The following NOS1AP variants were observed in gnomAD, a reference collection of about 807,000 sequenced individuals.
The protein encoded by NOS1AP is carboxyl-terminal PDZ ligand of neuronal nitric oxide synthase protein.
In NOS1AP, 21 loss-of-function variants were observed where a neutral mutation model predicts 56.2. That is an observed-to-expected ratio of 0.37 (90% CI 0.26 to 0.54). The LOEUF (loss-of-function observed/expected upper bound fraction) is 0.54. Among genes scored for constraint, NOS1AP ranks in the 20% least tolerant of loss-of-function variants. The pLI, the probability that NOS1AP is intolerant of heterozygous loss-of-function variation, is 0.84. For synonymous variants in NOS1AP, 270 were observed against 274.6 expected (o/e 0.98, Z 0.17); for missense variants, 522 against 657.8 (o/e 0.79, Z 2.26).
chr1:162,195,210 A>G (rs1235671430), intron 2 of NOS1AP, among the ~76,000 whole-genome samples: 1 of 152,186 alleles, frequency 6.6e-6, no homozygotes, highest in Admixed American at 6.5e-5. Flanking sequence ...CAATAAATGG[A>G]AGCTGTCATC....
At chr1:162,125,734 A>T (rs1648462420) in intron 1 of NOS1AP, among the ~76,000 whole-genome samples, 2 of 152,116 alleles carry the variant, frequency 1.3e-5, no homozygotes, top group South Asian at 4.1e-4. Flanking sequence ...CTTTTTGCTT[A>T]GGATTGCTTT....
At chr1:162,328,833 G>A (rs1656676325) in intron 4 of NOS1AP, among the ~76,000 whole-genome samples, 1 of 152,240 alleles carries the variant, frequency 6.6e-6, no homozygotes, top group Admixed American at 6.5e-5. Context: ...GTTAGAGAGT[G>A]AATTGCCTAT....
At chr1:162,090,335 A>G (rs921901243) in intron 1 of NOS1AP, among the ~76,000 whole-genome samples, 7 of 150,834 alleles carry the variant, frequency 4.6e-5, no homozygotes, top group African/African-American at 1.7e-4. Context: ...ATTTGTATAC[A>G]GTTAAAATTA....
chr1:162,285,990 G>T (rs775597854), intron 2 of NOS1AP, among the ~76,000 whole-genome samples: 5 of 152,174 alleles, frequency 3.3e-5, no homozygotes, highest in Non-Finnish European at 7.3e-5. Flanking sequence ...AATGTTTCTT[G>T]TGGAAACAGA....
At chr1:162,365,032 T>G in intron 8 of NOS1AP, 5 of 1,105,616 alleles carry the variant, frequency 4.5e-6, no homozygotes, top group East Asian at 6.3e-5. Flanking sequence ...GCTGAAGGAG[T>G]TCTCTAAGCA....
intron 8 of NOS1AP, among the ~76,000 whole-genome samples, chr1:162,358,105 T>C (rs181920211): frequency 6.6e-6 from 1 of 152,330 alleles, no homozygotes; most frequent in African/African-American, 2.4e-5. Flanking sequence ...ACCAGACTGT[T>C]GACCACTTAG....
At chr1:162,130,212 A>G in intron 1 of NOS1AP, among the ~76,000 whole-genome samples, 1 of 152,232 alleles carries the variant, frequency 6.6e-6, no homozygotes, top group East Asian at 1.9e-4. Flanking sequence ...GGAAGATTGC[A>G]TCTTCTTCAT....
At chr1:162,212,618 A>G (rs1652391765) in intron 2 of NOS1AP, among the ~76,000 whole-genome samples, 1 of 152,148 alleles carries the variant, frequency 6.6e-6, no homozygotes, top group African/African-American at 2.4e-5. Context: ...ATATAGGATA[A>G]GAACAGGGGT....
At chr1:162,180,985 A>G (rs1222169739) in intron 2 of NOS1AP, among the ~76,000 whole-genome samples, 1 of 152,262 alleles carries the variant, frequency 6.6e-6, no homozygotes, top group Admixed American at 6.5e-5. Context: ...ATTCTCAGCT[A>G]TCCTCAAGGT....
At chr1:162,161,600 T>G (rs576138600) in intron 2 of NOS1AP, among the ~76,000 whole-genome samples, 1 of 152,190 alleles carries the variant, frequency 6.6e-6, no homozygotes, top group African/African-American at 2.4e-5. Flanking sequence ...TGCCTCCTTT[T>G]TTTTTTCCCT....
At chr1:162,134,329 A>G (rs759854080) in intron 1 of NOS1AP, among the ~76,000 whole-genome samples, 2 of 151,972 alleles carry the variant, frequency 1.3e-5, no homozygotes, top group African/African-American at 2.4e-5. Context: ...CATCTCTACT[A>G]AAAATACAAA....
At chr1:162,146,324 G>T (rs1329976501) in intron 1 of NOS1AP, among the ~76,000 whole-genome samples, 2 of 152,154 alleles carry the variant, frequency 1.3e-5, no homozygotes, top group African/African-American at 4.8e-5. Context: ...ATCTCCACTT[G>T]ATTTTCTTGT....
At chr1:162,340,508 T>C (rs1657077396) in intron 5 of NOS1AP, among the ~76,000 whole-genome samples, 1 of 152,270 alleles carries the variant, frequency 6.6e-6, no homozygotes, top group Admixed American at 6.5e-5. Context: ...CTTTTTCTTT[T>C]CTGTCTTAAT....
chr1:162,159,639 A>G (rs925611739), intron 2 of NOS1AP, among the ~76,000 whole-genome samples: 5 of 151,914 alleles, frequency 3.3e-5, no homozygotes, highest in Admixed American at 6.6e-5. Context: ...GTGGCACCAC[A>G]CCCCTCTTTT....
At chr1:162,148,522 CAGGG>C (rs993176264) in intron 1 of NOS1AP, among the ~76,000 whole-genome samples, 4 of 152,178 alleles carry the variant, frequency 2.6e-5, no homozygotes, top group Non-Finnish European at 5.9e-5. Flanking sequence ...ATTCTGTGCA[CAGGG>C]AGGAACATGT....
intron 2 of NOS1AP, among the ~76,000 whole-genome samples, chr1:162,194,848 G>GTTGGCACA (rs1340902822): frequency 2.0e-5 from 3 of 152,114 alleles, no homozygotes; most frequent in Admixed American, 6.5e-5. Context: ...TTGAAATTGG[G>GTTGGCACA]TTGGCACATT....
Position 162,126,520 on chromosome 1 carries a change from C to CT in NOS1AP, c.106-27873dup, listed in dbSNP as rs57170830. ...ACCTTCACAGTTTGGTTAAGGTATG[C>CT]TTTTTTTTTTTTCTCTCTGTAATTT... On this transcript the variant is annotated intron_variant, in intron 1 of 9. Transcript: ENST00000361897. Among the ~76,000 whole-genome samples, 717 of 144,824 alleles carry CT rather than the reference C, an allele frequency of 5.0e-3. 4 individuals carry two copies. The highest frequency in any genetic ancestry group is 8.3e-3 in the Non-Finnish European group (541 of 65,564).
At chr1:162,121,291 C>G (rs1648220375) in intron 1 of NOS1AP, among the ~76,000 whole-genome samples, 1 of 151,712 alleles carries the variant, frequency 6.6e-6, no homozygotes, top group Admixed American at 6.6e-5. Context: ...CCACACCCGG[C>G]TAATTTCTGT....
chr1:162,277,324 G>A (rs1026335093), intron 2 of NOS1AP, among the ~76,000 whole-genome samples: 4 of 152,168 alleles, frequency 2.6e-5, no homozygotes, highest in Non-Finnish European at 4.4e-5. Context: ...CTGTGACTTC[G>A]AGAGCCCTCC....
Sources: allele counts gnomAD v4.1 joint callset (sites outside exome capture counted in the v4.1 genomes callset), GRCh38; gene constraint gnomAD v4.1.1; transcripts MANE v1.5; gene names NCBI Gene and HGNC (gene_info 2026-07-23, HGNC 2026-07-21).